DENND2B: variants seen among roughly 807,000 people sequenced by gnomAD.
The protein encoded by DENND2B is DENN domain containing 2B, also known as DENN domain-containing protein 2B.
In DENND2B, 32 loss-of-function variants were observed where a neutral mutation model predicts 116.0. That is an observed-to-expected ratio of 0.28 (90% CI 0.21 to 0.37). DENND2B has a LOEUF of 0.37. Among genes scored for constraint, DENND2B ranks in the 10% least tolerant of loss-of-function variants. DENND2B has a pLI of 1.00. For missense variants in DENND2B, 1,276 were observed against 1,477.7 expected (o/e 0.86, Z 2.24); for synonymous variants, 588 against 583.9 (o/e 1.01, Z -0.10).
At chr11:8,753,780 A>G (rs1339196986) in intron 1 of DENND2B, among the ~76,000 whole-genome samples, 1 of 152,232 alleles carries the variant, frequency 6.6e-6, no homozygotes, top group Non-Finnish European at 1.5e-5. Context: ...ATTTTCAATA[A>G]GGATGCCAAG....
intron 4 of DENND2B, among the ~76,000 whole-genome samples, chr11:8,817,469 G>T (rs542479450): frequency 1.3e-5 from 2 of 152,040 alleles, no homozygotes; most frequent in Non-Finnish European, 2.9e-5. Context: ...TTTTATGATA[G>T]GAAGTTTTCC....
intron 1 of DENND2B, among the ~76,000 whole-genome samples, chr11:8,908,764 G>A (rs1589900332): frequency 6.6e-6 from 1 of 152,128 alleles, no homozygotes; most frequent in Non-Finnish European, 1.5e-5. Flanking sequence ...TGGCATGTCC[G>A]AATATTTTGT....
At chr11:8,897,487 G>A (rs1366220919) in intron 1 of DENND2B, among the ~76,000 whole-genome samples, 3 of 152,186 alleles carry the variant, frequency 2.0e-5, no homozygotes, top group Non-Finnish European at 2.9e-5. Context: ...ATAGGACATT[G>A]TCAGAAACAT....
rs1173890611 is a variant in DENND2B at position 8,819,102 on chromosome 11, G to C, written c.-114-7767C>G. Reference sequence around the variant, plus strand: ...TAGTATTGTTTTATAGCAGGTAGAAGTTTAAGGAGAGGCGGGGCTTGGTGG... The same window carrying C: ...TAGTATTGTTTTATAGCAGGTAGAACTTTAAGGAGAGGCGGGGCTTGGTGG... On this transcript the variant is annotated intron_variant, in intron 4 of 6. Coordinates refer to the DENND2B transcript ENST00000524757. Among the ~76,000 whole-genome samples the C allele has an allele frequency of 2.0e-5, 3 of 152,322 alleles. No individual in the cohort carries two copies. In the East Asian group the frequency reaches 5.8e-4, roughly 29 times the overall value.
intron 2 of DENND2B, among the ~76,000 whole-genome samples, chr11:8,860,954 A>G (rs925594755): frequency 1.3e-5 from 2 of 152,188 alleles, no homozygotes; most frequent in Admixed American, 6.5e-5. Context: ...CCTATTCAAT[A>G]AATGGTGCTG....
At chr11:8,713,878 T>A in intron 8 of DENND2B, 120 bp downstream of exon 8, 1 of 1,060,274 alleles carries the variant, frequency 9.4e-7, no homozygotes, top group Non-Finnish European at 1.4e-6. Context: ...CTGGCCTGTC[T>A]GTCACCTCTC....
At chr11:8,880,026 T>C (rs1331334840) in intron 2 of DENND2B, among the ~76,000 whole-genome samples, 2 of 152,168 alleles carry the variant, frequency 1.3e-5, no homozygotes, top group Non-Finnish European at 2.9e-5. Context: ...TGGTGGTAGT[T>C]TTCATGCATC....
chr11:8,726,277 C>G, intron 3 of DENND2B, 68 bp from the exon 4 acceptor site: 11 of 1,542,700 alleles, frequency 7.1e-6, no homozygotes, highest in Non-Finnish European at 9.6e-6. Context: ...GGGGAATGTC[C>G]ATGGCAACAG....
chr11:8,831,649 C>G (rs2062211649), intron 4 of DENND2B: 1 of 152,052 alleles, frequency 6.6e-6, no homozygotes, highest in African/African-American at 2.4e-5. Context: ...ACTGTTTGAG[C>G]CCAGGAGTTC....
chr11:8,906,031 C>G (rs2134768678), intron 1 of DENND2B, among the ~76,000 whole-genome samples: 1 of 151,520 alleles, frequency 6.6e-6, no homozygotes, highest in South Asian at 2.1e-4. Flanking sequence ...GAGCTGAGAA[C>G]TGACTGCATA....
rs2043626148 is a variant in DENND2B, at chr11:8,711,286, G to A, written c.2173-55C>T. 4 of 1,538,144 alleles carry A rather than the reference G, an allele frequency of 2.6e-6. No homozygotes were observed. In the South Asian group the frequency reaches 3.4e-5, roughly 13 times the overall value. ...ATGGAACCTGAGGGCGGGTGGTGGT[G>A]GCTGAGAAGCCCCTCCTCCCCTGAG... On this transcript the variant is annotated intron_variant, in intron 9 of 19. Transcript: ENST00000313726.
intron 1 of DENND2B, among the ~76,000 whole-genome samples, chr11:8,762,404 G>A (rs1030883925): frequency 6.6e-6 from 1 of 152,172 alleles, no homozygotes; most frequent in Non-Finnish European, 1.5e-5. Flanking sequence ...CACAGTCCAG[G>A]CCCATCTCTA....
chr11:8,833,523 A>ATACACAAAG (rs2062298504), intron 4 of DENND2B, among the ~76,000 whole-genome samples: 1 of 152,178 alleles, frequency 6.6e-6, no homozygotes, highest in Non-Finnish European at 1.5e-5. Flanking sequence ...TTAATACAAA[A>ATACACAAAG]TACACACAGA....
At chr11:8,771,416 A>G (rs2056827341) in intron 1 of DENND2B, among the ~76,000 whole-genome samples, 1 of 152,002 alleles carries the variant, frequency 6.6e-6, no homozygotes. Flanking sequence ...GCGTGTGTGC[A>G]CATGTGTGTT....
At chr11:8,771,175 C>T (rs141483223) in intron 1 of DENND2B, among the ~76,000 whole-genome samples, 14 of 152,250 alleles carry the variant, frequency 9.2e-5, no homozygotes, top group African/African-American at 3.4e-4. Flanking sequence ...TGTGGCAGCA[C>T]AAAGACGCCA....
chr11:8,893,092 C>T (rs2064054680), intron 1 of DENND2B, among the ~76,000 whole-genome samples: 1 of 152,186 alleles, frequency 6.6e-6, no homozygotes, highest in Non-Finnish European at 1.5e-5. Flanking sequence ...GCTGGTTCAA[C>T]ATACGCAAAT....
chr11:8,842,373 A>T (rs2062654827), intron 3 of DENND2B, among the ~76,000 whole-genome samples: 1 of 152,200 alleles, frequency 6.6e-6, no homozygotes, highest in Non-Finnish European at 1.5e-5. Context: ...GGAAAGGCCC[A>T]GAACATCTAT....
intron 4 of DENND2B, among the ~76,000 whole-genome samples, chr11:8,819,961 C>G (rs1273293472): frequency 6.6e-6 from 1 of 152,196 alleles, no homozygotes; most frequent in East Asian, 1.9e-4. Context: ...TGCAACTTTT[C>G]TCTAAGTCTA....
At chr11:8,732,564 A>C (rs2048296173) in intron 2 of DENND2B, among the ~76,000 whole-genome samples, 1 of 152,198 alleles carries the variant, frequency 6.6e-6, no homozygotes. Context: ...GGTCTTCCCT[A>C]CTAGACCATG....
Sources: allele counts gnomAD v4.1 joint callset (sites outside exome capture counted in the v4.1 genomes callset), GRCh38; gene constraint gnomAD v4.1.1; transcripts MANE v1.5; gene names NCBI Gene and HGNC (gene_info 2026-07-23, HGNC 2026-07-21).